Variants in GYG2 observed in about 807,000 individuals in gnomAD.
The protein encoded by GYG2 is glycogenin 2.
A neutral mutation model predicts 29.4 loss-of-function variants in GYG2; 29 were observed. The observed-to-expected ratio is 0.99, with a 90% CI of 0.74 to 1.35. The LOEUF is 1.35. Ranked by LOEUF, GYG2 falls within the 40% of genes most tolerant of loss-of-function variation. The pLI is 0.00. For synonymous variants in GYG2, 167 were observed against 172.3 expected, an observed-to-expected ratio of 0.97 and a Z score of 0.24; for missense variants, 370 against 385.7, an observed-to-expected ratio of 0.96 and a Z score of 0.34.
At chrX:2,859,276 A>T (rs1312174315) in intron 6 of GYG2, among the ~76,000 whole-genome samples, 8 of 57,236 alleles carry the variant, frequency 1.4e-4, no homozygotes, top group Non-Finnish European at 3.3e-4. Context: ...TATATTGATT[A>T]CTATAGTAGT....
chrX:2,829,547 C>CG (rs1228382546), intron 1 of GYG2, among the ~76,000 whole-genome samples: 1 of 31,790 alleles, frequency 3.1e-5, no homozygotes, highest in Non-Finnish European at 5.6e-5. Context: ...AGGGGTAGGC[C>CG]GGGGGGCTGC....
intron 8 of GYG2, among the ~76,000 whole-genome samples, chrX:2,869,442 G>A (rs112207886): frequency 1.9e-3 from 209 of 111,064 alleles, no homozygotes; most frequent in Non-Finnish European, 3.5e-3. Flanking sequence ...GAAATGAGTC[G>A]TGCAACATCA....
chrX:2,875,870 C>A lies in GYG2; in HGVS notation c.1099C>A (p.Pro367Thr), dbSNP rs58805501. 2,729 of 1,190,828 alleles carry A rather than the reference C, an allele frequency of 2.3e-3. 41 individuals are homozygous for A. In the African/African-American group the frequency reaches 0.041, roughly 18 times the overall value. ...GATAACGTGTGACCCACTGTCCCAG[C>A]CTTCCCCTCAGCCTGCAGACTTCAC... ...AVITCDPLSQ[P>T]SPQPADFTET... The change falls in exon 9 of 11, where the codon CCT becomes ACT. Residue 367 changes from proline (P) to threonine (T), a missense_variant. Physicochemically the swap from Pro to Thr is conservative, Grantham distance 38. Coordinates refer to ENST00000398806, the MANE Select transcript of GYG2 (RefSeq NM_001079855.2).
chrX:2,847,533 CAAAAA>C (rs34368863), intron 3 of GYG2, among the ~76,000 whole-genome samples: 1,941 of 56,246 alleles, frequency 0.035, 82 homozygotes, highest in African/African-American at 0.12. Context: ...ACTAAAAGTA[CAAAAA>C]AAAAAAAAAA....
intron 3 of GYG2, among the ~76,000 whole-genome samples, chrX:2,851,417 T>C (rs1349236323): frequency 9.0e-6 from 1 of 111,544 alleles, no homozygotes; most frequent in Non-Finnish European, 1.9e-5. Flanking sequence ...CTAGTTTTTG[T>C]ATTTTTAGTA....
chrX:2,850,433 T>C (rs1271396267), intron 3 of GYG2, among the ~76,000 whole-genome samples: 1 of 111,649 alleles, frequency 9.0e-6, no homozygotes, highest in Non-Finnish European at 1.9e-5. Context: ...CTAGAAAAGA[T>C]GTGTACAAGT....
chrX:2,854,871 G>T (rs1032002561), intron 4 of GYG2, 122 bp from the exon 5 acceptor site: 8 of 757,263 alleles, frequency 1.1e-5, no homozygotes, highest in South Asian at 2.9e-5. Flanking sequence ...GGCGGAGGCC[G>T]CAGTGAGCCG....
chrX:2,861,393 C>A (rs894129426), intron 7 of GYG2, 129 bp from the exon 8 acceptor site: 15 of 509,268 alleles, frequency 2.9e-5, no homozygotes, highest in Admixed American at 5.7e-5. Flanking sequence ...ACATTTAGGA[C>A]AATTATTTAA....
intron 9 of GYG2, among the ~76,000 whole-genome samples, chrX:2,876,192 C>A (rs1004856964): frequency 5.5e-5 from 6 of 109,410 alleles, no homozygotes; most frequent in African/African-American, 2.0e-4. Flanking sequence ...TTGTTATTCT[C>A]TTCCACTTTG....
In GYG2 at chrX:2,855,004, T is replaced by C. The variant is rs1175851730; in HGVS notation, c.336T>C (p.Asn112=). The change falls in exon 5 of 11, where the codon AAT becomes AAC. Residue 112 remains asparagine, a synonymous_variant. Coordinates refer to ENST00000398806, the MANE Select transcript of GYG2 (RefSeq NM_001079855.2). ...FLDADTLVLS[N]VDELFDRGEF... is the part of the protein sequence containing the mutation. The stretch of plus-strand genomic sequence containing the variant: ...TTTTGCTTCACCAGGTGCTGTCCAA[T>C]GTCGATGAGCTGTTTGACAGGGGAG... The C allele has an allele frequency of 8.3e-7, 1 of 1,210,989 alleles. No individual in the cohort carries two copies. Among genetic ancestry groups the C allele is most frequent in the East Asian group, 3.0e-5 (1 of 33,797 alleles).
Position 2,881,979 on chromosome X carries a change from CA to C in GYG2, c.*770del, listed in dbSNP as rs1418243156. ...TCTAGAGATGCTCTCTGCTTGACAACAAAAGTCAGGGTGCAGTCGGTCCACC... is the reference window on the plus strand; with the variant it reads ...TCTAGAGATGCTCTCTGCTTGACAACAAAGTCAGGGTGCAGTCGGTCCACC... On this transcript the variant is annotated 3_prime_UTR_variant, in exon 11 of 11. Transcript: ENST00000398806. 5 of 110,261 alleles carry C rather than the reference CA, an allele frequency of 4.5e-5. No individual in the cohort carries two copies. The highest frequency in any genetic ancestry group is 1.7e-4 in the African/African-American group (5 of 30,284). The allele number at this position is 110,261 out of a possible 1,213,427, so 9.1% of individuals were successfully genotyped here.
chrX:2,834,212 G>C (rs145987233), intron 2 of GYG2, among the ~76,000 whole-genome samples: 1,184 of 112,023 alleles, frequency 0.011, 18 homozygotes, highest in African/African-American at 0.036. Context: ...TTGGAGGCAG[G>C]AGACAGTAGC....
intron 8 of GYG2, among the ~76,000 whole-genome samples, chrX:2,872,512 C>T (rs750338829): frequency 2.7e-5 from 3 of 112,344 alleles, no homozygotes; most frequent in East Asian, 5.6e-4. Flanking sequence ...TTCTCTTCCT[C>T]GTTTAAATTC....
rs5901212 is a variant in GYG2, at chrX:2,856,799, C to CT, written c.614+175_614+176insT. 0.1 allele frequency among the ~76,000 whole-genome samples: 9,401 copies of CT among 91,159 alleles called. 617 individuals carry two copies. The highest frequency in any genetic ancestry group is 0.26 in the East Asian group (771 of 3,023). The allele number at this position is 91,159 out of a possible 115,157, so 79.2% of individuals were successfully genotyped here. A position where few individuals can be genotyped will look rare whatever the true frequency, so the allele number is the denominator to read the frequency against. On this transcript the variant is annotated intron_variant, in intron 6 of 10. Coordinates refer to ENST00000398806, the MANE Select transcript of GYG2 (RefSeq NM_001079855.2). ...ATCTATCTATCTATCATCTATCTAT[C>CT]ATCTATCTATCTATCACCTCTATCT...
In GYG2 at chrX:2,859,910, C is replaced by T. The variant is rs764049042; in HGVS notation, c.682C>T (p.Pro228Ser). 31 of 1,203,299 alleles carry T rather than the reference C, an allele frequency of 2.6e-5. No individual in the cohort carries two copies. Among genetic ancestry groups the T allele is most frequent in the Non-Finnish European group, 3.5e-5 (31 of 889,933 alleles). Residue 228 changes from proline to serine, a missense_variant, in exon 7 of 11, where the codon CCA becomes TCA. By Grantham distance (74) the Pro-to-Ser change is moderately conservative. Transcript: ENST00000398806. Reference protein sequence around the residue: ...SMKPWNYKYNPQSGSVLEQGS... With the variant: ...SMKPWNYKYNSQSGSVLEQGS... ...GAAACCTTGGAACTACAAGTACAAT[C>T]CACAGAGTGGCTCGGTGTTGGAGCA...
At chrX:2,845,179 G>A (rs149793660) in intron 3 of GYG2, among the ~76,000 whole-genome samples, 4,201 of 4,214 alleles carry the variant, frequency 1, 1,871 homozygotes, top group Middle Eastern at 1. Context: ...TTATATACAC[G>A]TGTGTATGTA....
At chrX:2,865,985 C>G (rs1264911993) in intron 8 of GYG2, among the ~76,000 whole-genome samples, 4 of 111,609 alleles carry the variant, frequency 3.6e-5, no homozygotes, top group Non-Finnish European at 7.5e-5. Flanking sequence ...AGATTCAACC[C>G]AAGTGTTTGC....
At chrX:2,856,752 G>GTATCTATCTATCTATC (rs1284530504) in intron 6 of GYG2, 128 bp downstream of exon 6, 30 of 166,384 alleles carry the variant, frequency 1.8e-4, no homozygotes, top group African/African-American at 1.0e-3. Flanking sequence ...ATCTATCTAT[G>GTATCTATCTATCTATC]TATCTATCTA....
intron 3 of GYG2, among the ~76,000 whole-genome samples, chrX:2,849,445 A>AAAAG (rs910350018): frequency 2.5e-4 from 28 of 112,172 alleles, no homozygotes; most frequent in African/African-American, 7.4e-4. Flanking sequence ...GAGAGAAAGA[A>AAAAG]AAAGAAAGAA....
Sources: allele counts gnomAD v4.1 joint callset (sites outside exome capture counted in the v4.1 genomes callset), GRCh38; gene constraint gnomAD v4.1.1; transcripts MANE v1.5; gene names NCBI Gene and HGNC (gene_info 2026-07-23, HGNC 2026-07-21).